CREM: variants seen among roughly 807,000 people sequenced by gnomAD.
The protein encoded by CREM is cAMP responsive element modulator, also known as cAMP-responsive element modulator.
A neutral mutation model predicts 37.3 loss-of-function variants in CREM; 13 were observed. The ratio of observed to expected loss-of-function variants is 0.35; its 90% CI spans 0.23 to 0.55. CREM has a LOEUF of 0.55. Among genes scored for constraint, CREM ranks in the 20% least tolerant of loss-of-function variants. The pLI, the probability that CREM is intolerant of heterozygous loss-of-function variation, is 0.88. For missense variants in CREM, 296 were observed against 362.3 expected (o/e 0.82, Z 1.49); for synonymous variants, 124 against 120.2 (o/e 1.03, Z -0.21).
At chr10:35,201,672 CT>C (rs1365714695) in intron 6 of CREM, among the ~76,000 whole-genome samples, 2 of 151,898 alleles carry the variant, frequency 1.3e-5, no homozygotes, top group Admixed American at 1.3e-4. Context: ...ATGTCAGGAG[CT>C]AGATGGAAGC....
At chr10:35,127,457 CG>C (rs1488693906) in intron 1 of CREM, 1 of 152,226 alleles carries the variant, frequency 6.6e-6, no homozygotes, top group African/African-American at 2.4e-5. Flanking sequence ...TCAGCTGCCC[CG>C]GGACCCGCCT....
At chr10:35,191,494 C>A (rs2133854049) in intron 6 of CREM, among the ~76,000 whole-genome samples, 1 of 152,008 alleles carries the variant, frequency 6.6e-6, no homozygotes, top group African/African-American at 2.4e-5. Context: ...ACAGCAAGGC[C>A]AGTGGGCATT....
intron 6 of CREM, among the ~76,000 whole-genome samples, chr10:35,189,558 C>T (rs2094819980): frequency 6.6e-6 from 1 of 152,080 alleles, no homozygotes. Flanking sequence ...CTCTGTTGCC[C>T]AGGCTGGAGT....
At chr10:35,158,801 T>G (rs1564838285) in intron 3 of CREM, among the ~76,000 whole-genome samples, 1 of 128,506 alleles carries the variant, frequency 7.8e-6, no homozygotes, top group Non-Finnish European at 1.7e-5. Context: ...ATATAGTGTT[T>G]TTTTTTTGTT....
chr10:35,187,153 A>C (rs1398984899), intron 5 of CREM, among the ~76,000 whole-genome samples: 1 of 54,344 alleles, frequency 1.8e-5, no homozygotes, highest in African/African-American at 7.2e-5. Flanking sequence ...TATAATATAT[A>C]TAATATATAT....
intron 2 of CREM, among the ~76,000 whole-genome samples, chr10:35,141,391 A>G (rs1432299471): frequency 6.6e-6 from 1 of 152,212 alleles, no homozygotes; most frequent in Non-Finnish European, 1.5e-5. Context: ...CAGGAGTTAG[A>G]GTGGTGGCTG....
At chr10:35,176,956 T>A (rs1259585050) in intron 3 of CREM, among the ~76,000 whole-genome samples, 2 of 152,220 alleles carry the variant, frequency 1.3e-5, no homozygotes, top group Admixed American at 6.5e-5. Flanking sequence ...CATCAATAGA[T>A]GTAAATTATT....
chr10:35,196,379 C>G (rs1382365091), intron 6 of CREM: 6 of 450,372 alleles, frequency 1.3e-5, no homozygotes, highest in Admixed American at 4.0e-5. Context: ...TACTAATAAC[C>G]TTTGTGTGCT....
intron 6 of CREM, among the ~76,000 whole-genome samples, chr10:35,197,249 C>T (rs2095223506): frequency 6.6e-6 from 1 of 152,022 alleles, no homozygotes; most frequent in East Asian, 1.9e-4. Flanking sequence ...TTTTCCTTTT[C>T]CAATTTAAAC....
chr10:35,176,015 GA>G, intron 3 of CREM: 1 of 1,541,506 alleles, frequency 6.5e-7, no homozygotes, highest in Non-Finnish European at 8.7e-7. Context: ...CTTCCTTCCT[GA>G]ATGGTTTTGT....
chr10:35,161,680 A>G lies in CREM; in HGVS notation c.168+13189A>G, dbSNP rs541854945. ...TGTCTCACCAAAAAAAAAAAGCTCG[A>G]CATCATTAATCATCAGGGAATTGCA... On this transcript the variant is annotated intron_variant, in intron 3 of 7. Transcript: ENST00000685392. Among the ~76,000 whole-genome samples the G allele has an allele frequency of 6.4e-3, 971 of 151,252 alleles. 13 individuals carry two copies. Among genetic ancestry groups the G allele is most frequent in the African/African-American group, 0.022 (921 of 41,226 alleles).
intron 7 of CREM, among the ~76,000 whole-genome samples, chr10:35,209,082 G>A (rs1266568515): frequency 6.6e-6 from 1 of 152,186 alleles, no homozygotes; most frequent in Non-Finnish European, 1.5e-5. Context: ...ACCAGGATGG[G>A]CAACCGGGCA....
chr10:35,182,702 G>A (rs951393604), intron 5 of CREM, among the ~76,000 whole-genome samples: 1 of 152,144 alleles, frequency 6.6e-6, no homozygotes, highest in Admixed American at 6.5e-5. Flanking sequence ...AAAAGTGAAA[G>A]TTGGAATAGG....
chr10:35,149,190 G>T (rs1265796811), intron 3 of CREM, among the ~76,000 whole-genome samples: 1 of 152,184 alleles, frequency 6.6e-6, no homozygotes, highest in Admixed American at 6.5e-5. Flanking sequence ...AGAGGGAGCA[G>T]CCAGCTGACT....
intron 6 of CREM, chr10:35,195,070 C>CTA: frequency 3.0e-6 from 3 of 997,424 alleles, no homozygotes; most frequent in South Asian, 3.0e-5. Context: ...CAGTGATAGG[C>CTA]TAGTGATGTC....
intron 3 of CREM, among the ~76,000 whole-genome samples, chr10:35,155,379 T>C (rs2136182844): frequency 6.6e-6 from 1 of 152,234 alleles, no homozygotes; most frequent in Non-Finnish European, 1.5e-5. Flanking sequence ...TGGGGAGTCA[T>C]TTTTTAATGG....
chr10:35,162,516 G>A (rs2093348073), intron 3 of CREM, among the ~76,000 whole-genome samples: 1 of 152,092 alleles, frequency 6.6e-6, no homozygotes, highest in Non-Finnish European at 1.5e-5. Flanking sequence ...ACATCATGTT[G>A]TACATGATAA....
At chr10:35,148,274 AGATTTTG>A (rs1273359518) in intron 2 of CREM, 87 bp from the exon 3 acceptor site, 1 of 1,278,442 alleles carries the variant, frequency 7.8e-7, no homozygotes, top group Non-Finnish European at 1.1e-6. Context: ...GGAGCATTTC[AGATTTTG>A]GATTTTTGGA....
intron 3 of CREM, among the ~76,000 whole-genome samples, chr10:35,158,795 A>AGTGT (rs1351562558): frequency 7.2e-6 from 1 of 138,962 alleles, no homozygotes; most frequent in African/African-American, 2.7e-5. Context: ...TAGCAAATAT[A>AGTGT]GTGTTTTTTT....
Sources: gnomAD v4.1 joint callset for allele counts (sites outside exome capture counted in the v4.1 genomes callset) on GRCh38, gnomAD v4.1.1 for gene constraint, MANE v1.5 for transcripts, NCBI Gene and HGNC (gene_info 2026-07-23, HGNC 2026-07-21) for gene names.